The following RBFOX1 variants were observed in gnomAD, a reference collection of about 807,000 sequenced individuals.
RBFOX1 encodes RNA binding fox-1 homolog 1.
In RBFOX1, 8 loss-of-function variants were observed where a neutral mutation model predicts 57.7. The observed-to-expected ratio is 0.14, with a 90% confidence interval of 0.08 to 0.25. The LOEUF is 0.25. Ranked by LOEUF, RBFOX1 falls within the 10% of genes least tolerant of loss-of-function variation. The pLI, the probability that RBFOX1 is intolerant of heterozygous loss-of-function variation, is 1.00. For synonymous variants in RBFOX1, 326 were observed against 222.4 expected (o/e 1.47, Z -4.15); for missense variants, 611 against 548.5 (o/e 1.11, Z -1.14).
rs1446424802 is a variant in RBFOX1 at position 6,864,022 on chromosome 16, C to T, written c.-15-188035C>T. ...TTTTTTTTGTTGAGATTATGCCTTG[C>T]AAAACCTCTAATTAACCTGCCTAGC... On this transcript the variant is annotated intron_variant, in intron 3 of 15. Coordinates refer to ENST00000550418, the MANE Select transcript of RBFOX1 (RefSeq NM_018723.4). 3.5e-5 allele frequency among the ~76,000 whole-genome samples: 5 copies of T among 143,682 alleles called. No homozygotes were observed. The Admixed American group carries it at 3.6e-4, about 10-fold the overall frequency. 94.3% of individuals were successfully genotyped at this position (143,682 alleles called of 152,430 possible). A position where few individuals can be genotyped will look rare whatever the true frequency, so the allele number is the denominator to read the frequency against.
intron 3 of RBFOX1, among the ~76,000 whole-genome samples, chr16:6,671,972 C>T (rs552798367): frequency 1.3e-5 from 2 of 152,292 alleles, no homozygotes; most frequent in South Asian, 2.1e-4. Context: ...ATAACAATAT[C>T]GAACAGCTGA....
At chr16:6,932,222 G>T (rs1389700891) in intron 3 of RBFOX1, among the ~76,000 whole-genome samples, 1 of 152,024 alleles carries the variant, frequency 6.6e-6, no homozygotes, top group African/African-American at 2.4e-5. Flanking sequence ...CCCTGCCTCG[G>T]CCTCCCAAGT....
intron 3 of RBFOX1, among the ~76,000 whole-genome samples, chr16:5,607,521 C>T (rs568029156): frequency 1.5e-4 from 23 of 152,224 alleles, no homozygotes; most frequent in Admixed American, 5.9e-4. Context: ...ATGATACTGA[C>T]GGGTTTCAAT....
At chr16:7,407,400 GTGTGTA>G (rs1488774307) in intron 4 of RBFOX1, among the ~76,000 whole-genome samples, 2,971 of 142,874 alleles carry the variant, frequency 0.021, 107 homozygotes, top group African/African-American at 0.07. Flanking sequence ...GTGTGTGTGT[GTGTGTA>G]TGTGTGTGGT....
At chr16:6,990,816 A>G (rs989915485) in intron 3 of RBFOX1, among the ~76,000 whole-genome samples, 2 of 152,150 alleles carry the variant, frequency 1.3e-5, no homozygotes, top group Non-Finnish European at 2.9e-5. Flanking sequence ...AAGCTGATAC[A>G]TATCAGTGAG....
At chr16:6,218,919 C>A (rs944440871) in intron 1 of RBFOX1, among the ~76,000 whole-genome samples, 3 of 151,370 alleles carry the variant, frequency 2.0e-5, no homozygotes, top group African/African-American at 7.3e-5. Context: ...GTGCTGCATG[C>A]AAGTATGAAT....
rs143117118 is a variant in RBFOX1 at position 6,773,308 on chromosome 16, GTGTT to G, written c.-16+118661_-16+118664del. Among the ~76,000 whole-genome samples the G allele has an allele frequency of 9.4e-3, 1,357 of 143,676 alleles. 31 individuals are homozygous for G. Among genetic ancestry groups the G allele is most frequent in the African/African-American group, 0.034 (1,283 of 37,808 alleles). 94.3% of individuals were successfully genotyped at this position (143,676 alleles called of 152,430 possible). ...ATGTGTGGGTGTGGGGTGCATTTGT[GTGTT>G]TGGGTATGGGGTGCATTTCTGTGCA... is the stretch of plus-strand genomic sequence containing the variant. On this transcript the variant is annotated intron_variant, in intron 3 of 15. Transcript: ENST00000550418.
chr16:6,210,344 A>T (rs1327398189), intron 1 of RBFOX1, among the ~76,000 whole-genome samples: 1 of 80,320 alleles, frequency 1.2e-5, no homozygotes, highest in African/African-American at 3.2e-5. Context: ...AAACAAAAAA[A>T]CAAAAAAAAA....
At chr16:5,568,941 A>G (rs2046171299) in intron 2 of RBFOX1, among the ~76,000 whole-genome samples, 1 of 151,914 alleles carries the variant, frequency 6.6e-6, no homozygotes, top group Non-Finnish European at 1.5e-5. Flanking sequence ...GCTGGGTTCA[A>G]GTGATTCTCC....
chr16:5,276,467 A>G (rs1328905290), intron 1 of RBFOX1, among the ~76,000 whole-genome samples: 1 of 152,234 alleles, frequency 6.6e-6, no homozygotes, highest in East Asian at 1.9e-4. Context: ...AATCAAAACC[A>G]CAATGCAATA....
chr16:7,289,749 G>GTAT (rs2095726672), intron 4 of RBFOX1, among the ~76,000 whole-genome samples: 1 of 152,118 alleles, frequency 6.6e-6, no homozygotes, highest in East Asian at 1.9e-4. Context: ...GAAATTTAGT[G>GTAT]TATTAGTCCA....
Position 6,019,779 on chromosome 16 carries a change from G to A in RBFOX1, c.-340G>A, listed in dbSNP as rs531448387. On this transcript the variant is annotated 5_prime_UTR_variant, in exon 1 of 16. Coordinates refer to ENST00000550418, the MANE Select transcript of RBFOX1 (RefSeq NM_018723.4). The surrounding 1 kb of genome is among the most constrained non-coding windows in gnomAD (Gnocchi z 4.2). Reference sequence around the variant, plus strand: ...AGACCCCCACCCAGTGGCCGCCAGGGTCCCCGCCTGTCCGGACCCTCGCCG... The same window carrying A: ...AGACCCCCACCCAGTGGCCGCCAGGATCCCCGCCTGTCCGGACCCTCGCCG... 2.1e-6 allele frequency: 3 copies of A among 1,438,258 alleles called. No individual in the cohort carries two copies. The highest frequency in any genetic ancestry group is 2.9e-5 in the African/African-American group (2 of 69,288). 89.1% of individuals were successfully genotyped at this position (1,438,258 alleles called of 1,614,324 possible). A position where few individuals can be genotyped will look rare whatever the true frequency, so the allele number is the denominator to read the frequency against.
chr16:5,316,222 A>G (rs780056955), intron 1 of RBFOX1, among the ~76,000 whole-genome samples: 13 of 152,176 alleles, frequency 8.5e-5, no homozygotes, highest in Non-Finnish European at 1.5e-5. Context: ...CTTCCCTCAG[A>G]TGCTTTTTGT....
intron 3 of RBFOX1, among the ~76,000 whole-genome samples, chr16:6,945,987 C>T (rs1354388102): frequency 6.6e-6 from 1 of 152,208 alleles, no homozygotes; most frequent in Non-Finnish European, 1.5e-5. Context: ...TGTCTTTTGG[C>T]CTGAGGTCTT....
At position 6,493,484 on chromosome 16, in the gene RBFOX1, G is replaced by A. The variant is rs192554514; in HGVS notation, c.-63-161119G>A. Among the ~76,000 whole-genome samples, 6 of 152,260 alleles carry A rather than the reference G, an allele frequency of 3.9e-5. No homozygotes were observed. The South Asian group carries it at 8.3e-4, about 21-fold the overall frequency. ...CGTAGGCTGCTAAAAGTTGTATACA[G>A]TACTATTATTTTTTTTATTCATCTG... On this transcript the variant is annotated intron_variant, in intron 2 of 15. Coordinates refer to ENST00000550418, the MANE Select transcript of RBFOX1 (RefSeq NM_018723.4).
intron 3 of RBFOX1, among the ~76,000 whole-genome samples, chr16:6,933,145 C>A (rs902357077): frequency 1.3e-5 from 2 of 152,320 alleles, no homozygotes; most frequent in South Asian, 4.1e-4. Flanking sequence ...CTCCATTCAT[C>A]TGTAGACGCT....
intron 3 of RBFOX1, among the ~76,000 whole-genome samples, chr16:6,965,628 C>T (rs147271385): frequency 5.9e-5 from 9 of 152,264 alleles, no homozygotes; most frequent in Non-Finnish European, 8.8e-5. Flanking sequence ...TGAGCCACTG[C>T]GCCTGGCTGA....
intron 1 of RBFOX1, among the ~76,000 whole-genome samples, chr16:5,268,500 A>G (rs2151116271): frequency 6.6e-6 from 1 of 152,370 alleles, no homozygotes; most frequent in Admixed American, 6.5e-5. Flanking sequence ...CTCATCATTC[A>G]TAAAGTTTAG....
chr16:6,688,794 C>A lies in RBFOX1; in HGVS notation c.-16+34144C>A, dbSNP rs188237269. On this transcript the variant is annotated intron_variant, in intron 3 of 15. Coordinates refer to ENST00000550418, the MANE Select transcript of RBFOX1 (RefSeq NM_018723.4). ...CTAATGCCATCCTTCCCTAGCCCACCACCTCCCGACAGGCCCTGGTGTGTG... is the reference window on the plus strand; with the variant it reads ...CTAATGCCATCCTTCCCTAGCCCACAACCTCCCGACAGGCCCTGGTGTGTG... Among the ~76,000 whole-genome samples, 6 of 152,256 alleles carry A rather than the reference C, an allele frequency of 3.9e-5. No homozygotes were observed. The East Asian group carries it at 1.2e-3, about 29-fold the overall frequency.
Sources: gnomAD v4.1 joint callset for allele counts (sites outside exome capture counted in the v4.1 genomes callset) on GRCh38, gnomAD v4.1.1 for gene constraint, Gnocchi (gnomAD v3.1) non-coding constraint, MANE v1.5 for transcripts, NCBI Gene and HGNC (gene_info 2026-07-23, HGNC 2026-07-21) for gene names.